The following STRA6 variants were observed in gnomAD, a reference collection of about 807,000 sequenced individuals.
STRA6 encodes the protein signaling receptor and transporter of retinol STRA6.
Under a neutral mutation model 83.6 loss-of-function variants are expected in STRA6, and 48 were observed. That is an observed-to-expected ratio of 0.57 (90% CI 0.46 to 0.73). The LOEUF is 0.73. STRA6 is among the 30% of genes least tolerant of loss of function. The pLI is 0.00. For synonymous variants in STRA6, 353 were observed against 362.3 expected, an observed-to-expected ratio of 0.97 and a Z score of 0.29; for missense variants, 760 against 838.8, an observed-to-expected ratio of 0.91 and a Z score of 1.16.
At chr15:74,195,983 C>A in intron 5 of STRA6, 25 bp downstream of exon 5, 1 of 1,613,550 alleles carries the variant, frequency 6.2e-7, no homozygotes, top group Non-Finnish European at 8.5e-7. Context: ...CACACCAACC[C>A]CAGGGCCTGG....
chr15:74,190,815 T>C, intron 11 of STRA6, 25 bp downstream of exon 11: 3 of 1,613,966 alleles, frequency 1.9e-6, no homozygotes, highest in Non-Finnish European at 2.5e-6. Context: ...CAGAGGCAGA[T>C]GGCAGTACAG....
intron 2 of STRA6, among the ~76,000 whole-genome samples, chr15:74,198,730 C>CT (rs752986222): frequency 1.3e-5 from 2 of 152,196 alleles, no homozygotes; most frequent in Non-Finnish European, 2.9e-5. Flanking sequence ...GGCCACCCTG[C>CT]TCACCAAACC....
intron 1 of STRA6, among the ~76,000 whole-genome samples, chr15:74,208,228 A>G (rs1022953692): frequency 6.6e-6 from 1 of 152,128 alleles, no homozygotes; most frequent in African/African-American, 2.4e-5. Flanking sequence ...CTTCTAGAGT[A>G]GTGAGGCCCC....
At chr15:74,200,054 T>C (rs569647224) in intron 2 of STRA6, among the ~76,000 whole-genome samples, 1 of 151,186 alleles carries the variant, frequency 6.6e-6, no homozygotes, top group East Asian at 1.9e-4. Context: ...CTGTCTCCAC[T>C]AAAAATACAA....
intron 16 of STRA6, 104 bp downstream of exon 16, chr15:74,182,057 T>G (rs114998144): frequency 2.9e-6 from 3 of 1,027,682 alleles, no homozygotes; most frequent in South Asian, 1.3e-5. Flanking sequence ...GGTTCCTTGA[T>G]AGAGAGAAGG....
chr15:74,179,898 G>A lies in STRA6; in HGVS notation c.*182C>T. On this transcript the variant is annotated 3_prime_UTR_variant, in exon 19 of 19. Coordinates refer to ENST00000395105, the MANE Select transcript of STRA6 (RefSeq NM_022369.4). ...CTGCTGGCTCTCCCATAGCCAAGTG[G>A]GTGGAGCAGAGCCCTCCTGAGGCTC... 1.3e-6 allele frequency: 1 copy of A among 769,076 alleles called. No individual in the cohort carries two copies. Among genetic ancestry groups the A allele is most frequent in the Non-Finnish European group, 2.1e-6 (1 of 485,692 alleles). 47.6% of individuals were successfully genotyped at this position (769,076 alleles called of 1,614,324 possible). A position where few individuals can be genotyped will look rare whatever the true frequency, so the allele number is the denominator to read the frequency against.
At chr15:74,189,356 T>C (rs2073418343) in intron 11 of STRA6, 79 bp from the exon 12 acceptor site, 1 of 1,539,056 alleles carries the variant, frequency 6.5e-7, no homozygotes, top group East Asian at 2.4e-5. Flanking sequence ...GGGAAGAAAC[T>C]GGCAGCACAC....
upstream of STRA6, among the ~76,000 whole-genome samples, chr15:74,210,673 G>A (rs2074353414): frequency 6.6e-6 from 1 of 152,170 alleles, no homozygotes; most frequent in Non-Finnish European, 1.5e-5. Flanking sequence ...CTGTGAGTAA[G>A]GAGCTGTGAA....
At position 74,180,205 on chromosome 15, in the gene STRA6, C is replaced by G; in HGVS notation, c.1879G>C (p.Gly627Arg). The stretch of plus-strand genomic sequence containing the variant: ...CCGCGGCTGGCCCCGGGCCTAGCTC[C>G]CTTGGCCATGGAGTCCTTTGTCTGT... ...LLQTKDSMAK[G>R]ARPGASRGRA... The change falls in exon 19 of 19, where the codon GGA becomes CGA. Residue 627 changes from glycine to arginine, a missense_variant. Coordinates refer to ENST00000395105, the MANE Select transcript of STRA6 (RefSeq NM_022369.4). 1 of 1,614,122 alleles carries G rather than the reference C, an allele frequency of 6.2e-7. No individual in the cohort carries two copies. The highest frequency in any genetic ancestry group is 8.5e-7 in the Non-Finnish European group (1 of 1,180,014).
At chr15:74,202,451 G>A in intron 1 of STRA6, 169 bp from the exon 2 acceptor site, 3 of 1,536,222 alleles carry the variant, frequency 2.0e-6, no homozygotes, top group South Asian at 2.4e-5. Flanking sequence ...GTCTGGGACT[G>A]AGGGCCTGAG....
intron 16 of STRA6, 132 bp downstream of exon 16, chr15:74,182,029 T>C: frequency 3.6e-6 from 3 of 831,578 alleles, no homozygotes; most frequent in Non-Finnish European, 6.1e-6. Flanking sequence ...TAAGGCAAGC[T>C]CTTTCTACTA....
At chr15:74,189,364 C>T in intron 11 of STRA6, 87 bp from the exon 12 acceptor site, 2 of 1,528,384 alleles carry the variant, frequency 1.3e-6, no homozygotes, top group Non-Finnish European at 1.8e-6. Flanking sequence ...ACTGGCAGCA[C>T]ACAGGCCCCA....
upstream of STRA6, chr15:74,209,257 C>T: frequency 8.4e-7 from 1 of 1,189,906 alleles, no homozygotes. Context: ...ACTTGATCTC[C>T]TTGGCCCTCA....
At chr15:74,205,575 T>A (rs11638831), upstream of STRA6, among the ~76,000 whole-genome samples, 48,639 of 152,100 alleles carry the variant, frequency 0.32, 8,510 homozygotes, top group Middle Eastern at 0.46. Flanking sequence ...CAGGCCTCAC[T>A]TCCAACACTG....
chr15:74,195,617 G>A, intron 6 of STRA6, 35 bp downstream of exon 6: 1 of 1,549,350 alleles, frequency 6.5e-7, no homozygotes, highest in Non-Finnish European at 8.7e-7. Context: ...TCCAGGCTCT[G>A]ACTAGTCTCA....
chr15:74,195,428 G>C lies in STRA6; in HGVS notation c.471C>G (p.Leu157=). 6.2e-7 allele frequency: 1 copy of C among 1,613,766 alleles called. No homozygotes were observed. Among genetic ancestry groups the C allele is most frequent in the East Asian group, 2.2e-5 (1 of 44,866 alleles). ...TGGCACAGGCAGCCAGAGGGTAGTA[G>C]AGGGCAGCATAATAGAACAGTCCCA... ...KILGLFYYAA[L]YYPLAACATA... Residue 157 remains leucine (L), a synonymous_variant, in exon 7 of 19, where the codon CTC becomes CTG. Coordinates refer to ENST00000395105, the MANE Select transcript of STRA6 (RefSeq NM_022369.4).
chr15:74,209,107 T>TTGATTCC, upstream of STRA6: 1 of 1,313,332 alleles, frequency 7.6e-7, no homozygotes, highest in Middle Eastern at 2.8e-4. Flanking sequence ...CCTCCCGCCC[T>TTGATTCC]TGATTCCGGG....
chr15:74,211,393 CTTTTT>C (rs34963230), upstream of STRA6, among the ~76,000 whole-genome samples: 3 of 73,894 alleles, frequency 4.1e-5, no homozygotes, highest in African/African-American at 5.4e-5. Flanking sequence ...CTGCCCCTGG[CTTTTT>C]TTTTTTTTTT....
intron 9 of STRA6, 90 bp downstream of exon 9, chr15:74,191,334 C>G: frequency 6.2e-7 from 1 of 1,607,228 alleles, no homozygotes; most frequent in South Asian, 1.1e-5. Context: ...TCCCCTCTGC[C>G]CCTGCCATGC....
Sources: allele counts gnomAD v4.1 joint callset (sites outside exome capture counted in the v4.1 genomes callset), GRCh38; gene constraint gnomAD v4.1.1; transcripts MANE v1.5; gene names NCBI Gene and HGNC (gene_info 2026-07-23, HGNC 2026-07-21).